The following MTSS1 variants were observed in gnomAD, a reference collection of about 807,000 sequenced individuals.
MTSS1 encodes protein MTSS 1.
MTSS1 carries 18 observed loss-of-function variants against 79.0 expected under a neutral mutation model. The observed-to-expected ratio is 0.23, with a 90% CI of 0.16 to 0.34. The LOEUF (loss-of-function observed/expected upper bound fraction) is 0.34. Ranked by LOEUF, MTSS1 falls within the 10% of genes least tolerant of loss-of-function variation. MTSS1 has a pLI of 1.00. For synonymous variants in MTSS1, 341 were observed against 368.6 expected, an observed-to-expected ratio of 0.93 and a Z score of 0.86; for missense variants, 815 against 986.2, an observed-to-expected ratio of 0.83 and a Z score of 2.33.
At chr8:124,619,224 C>G (rs929125922) in intron 3 of MTSS1, 1 of 152,166 alleles carries the variant, frequency 6.6e-6, no homozygotes, top group Non-Finnish European at 1.5e-5. Context: ...GTTCTTGCTC[C>G]TGCTTACCTC....
chr8:124,722,489 T>C lies in MTSS1; in HGVS notation c.72+5395A>G, dbSNP rs1344782349. On this transcript the variant is annotated intron_variant, in intron 1 of 13. Coordinates refer to ENST00000518547, the MANE Select transcript of MTSS1 (RefSeq NM_014751.6). Reference sequence around the variant, plus strand: ...TTGTTCGGTTGTTTCTGATTTGCCTTGGTGGCTCATACTCAGATGAAACCT... The same window carrying C: ...TTGTTCGGTTGTTTCTGATTTGCCTCGGTGGCTCATACTCAGATGAAACCT... Among the ~76,000 whole-genome samples the C allele has an allele frequency of 2.6e-5, 4 of 152,338 alleles. No individual in the cohort carries two copies. In the East Asian group the frequency reaches 5.8e-4, roughly 22 times the overall value.
At chr8:124,659,387 G>A (rs780467416) in intron 3 of MTSS1, among the ~76,000 whole-genome samples, 25 of 152,160 alleles carry the variant, frequency 1.6e-4, no homozygotes, top group Non-Finnish European at 1.6e-4. Context: ...TGCATCTCGG[G>A]AATCATGTGT....
At chr8:124,663,034 G>A (rs1822367959) in intron 3 of MTSS1, among the ~76,000 whole-genome samples, 1 of 152,012 alleles carries the variant, frequency 6.6e-6, no homozygotes, top group African/African-American at 2.4e-5. Flanking sequence ...CAGTATCTGG[G>A]CCCCACTCCC....
chr8:124,698,855 C>A lies in MTSS1; in HGVS notation c.208+671G>T, dbSNP rs74694784. 6.7e-3 allele frequency among the ~76,000 whole-genome samples: 1,019 copies of A among 152,122 alleles called. 11 individuals carry two copies. Among genetic ancestry groups the A allele is most frequent in the African/African-American group, 0.023 (973 of 41,500 alleles). On this transcript the variant is annotated intron_variant, in intron 3 of 13. Coordinates refer to ENST00000518547, the MANE Select transcript of MTSS1 (RefSeq NM_014751.6). ...GCATTTCTAAAGACGGTCAGGCATACGGGGGTATTCATTTTCTTTTTATAC... is the reference window on the plus strand; with the variant it reads ...GCATTTCTAAAGACGGTCAGGCATAAGGGGGTATTCATTTTCTTTTTATAC...
intron 3 of MTSS1, among the ~76,000 whole-genome samples, chr8:124,645,196 T>C (rs1161897256): frequency 6.6e-6 from 1 of 151,998 alleles, no homozygotes; most frequent in Non-Finnish European, 1.5e-5. Flanking sequence ...GGAGAGACCC[T>C]AGTCTCTACA....
intron 3 of MTSS1, among the ~76,000 whole-genome samples, chr8:124,628,161 T>C (rs950408714): frequency 1.3e-5 from 2 of 152,156 alleles, no homozygotes. Flanking sequence ...AGGGAGACCC[T>C]GTCTCAAAAA....
rs1358381939 is a variant in MTSS1 at position 124,557,555 on chromosome 8, T to TA, written c.1230+125dup. 19 of 1,019,620 alleles carry TA rather than the reference T, an allele frequency of 1.9e-5. No homozygotes were observed. In the African/African-American group the frequency reaches 2.9e-4, roughly 16 times the overall value. The allele number at this position is 1,019,620 out of a possible 1,614,324, so 63.2% of individuals were successfully genotyped here. A position where few individuals can be genotyped will look rare whatever the true frequency, so the allele number is the denominator to read the frequency against. On this transcript the variant is annotated intron_variant, in intron 11 of 13. Transcript: ENST00000518547. ...TGGGAGTTTCCTGAGGGAGAGGCAT[T>TA]ATGGGGAAGAAGGCAGAGTGTGAAA...
intron 1 of MTSS1, among the ~76,000 whole-genome samples, chr8:124,721,408 C>G (rs1832905767): frequency 1.4e-5 from 1 of 69,304 alleles, no homozygotes; most frequent in African/African-American, 5.9e-5. Flanking sequence ...ACATTTAACT[C>G]TAATTTTTTT....
At position 124,591,142 on chromosome 8, in the gene MTSS1, G is replaced by A; in HGVS notation, c.293+9C>T. 2 of 1,613,530 alleles carry A rather than the reference G, an allele frequency of 1.2e-6. No individual in the cohort carries two copies. The highest frequency in any genetic ancestry group is 1.1e-5 in the South Asian group (1 of 91,054). On this transcript the variant is annotated intron_variant, in intron 4 of 13. Transcript: ENST00000518547. ...GTGTTGGCGATCGGGGCCAAAACAT[G>A]CTCCTCACCTCGAAAACTGCCTCAG... is the stretch of plus-strand genomic sequence containing the variant.
rs145261947 is a variant in MTSS1 at position 124,558,741 on chromosome 8, G to C, written c.1036-866C>G. On this transcript the variant is annotated intron_variant, in intron 10 of 13. Coordinates refer to ENST00000518547, the MANE Select transcript of MTSS1 (RefSeq NM_014751.6). The stretch of plus-strand genomic sequence containing the variant: ...CTCTGTGGACACCCAGGCACCCATG[G>C]TGGAGCCCGAGCTGACAGAGGTGGG... The C allele has an allele frequency of 1.1e-5, 18 of 1,578,414 alleles. No individual in the cohort carries two copies. The East Asian group carries it at 3.9e-4, about 34-fold the overall frequency.
intron 3 of MTSS1, among the ~76,000 whole-genome samples, chr8:124,638,227 A>G (rs548400009): frequency 6.6e-6 from 1 of 152,240 alleles, no homozygotes; most frequent in Non-Finnish European, 1.5e-5. Context: ...TCACCTTATC[A>G]CAGAGATCCA....
chr8:124,704,231 A>G, intron 1 of MTSS1, 40 bp from the exon 2 acceptor site: 1 of 1,547,300 alleles, frequency 6.5e-7, no homozygotes, highest in Non-Finnish European at 8.9e-7. Flanking sequence ...ACACTGCGAT[A>G]GACATCTGAT....
At position 124,553,807 on chromosome 8, in the gene MTSS1, A is replaced by G; in HGVS notation, c.1568-115T>C. On this transcript the variant is annotated intron_variant, in intron 13 of 13. Coordinates refer to ENST00000518547, the MANE Select transcript of MTSS1 (RefSeq NM_014751.6). This position sits in a 1 kb window ranked among gnomAD's most constrained non-coding sequence, Gnocchi z 6.0. Reference sequence around the variant, plus strand: ...AGGGTACACACACAGTCTCATCCCAAGCTTCCCCCAGGCTTCTCTACCATC... The same window carrying G: ...AGGGTACACACACAGTCTCATCCCAGGCTTCCCCCAGGCTTCTCTACCATC... 1 of 879,798 alleles carries G rather than the reference A, an allele frequency of 1.1e-6. No homozygotes were observed. Among genetic ancestry groups the G allele is most frequent in the Non-Finnish European group, 1.7e-6 (1 of 591,088 alleles). 54.5% of individuals were successfully genotyped at this position (879,798 alleles called of 1,614,324 possible).
intron 1 of MTSS1, among the ~76,000 whole-genome samples, chr8:124,719,720 G>A (rs1011660067): frequency 6.6e-6 from 1 of 152,232 alleles, no homozygotes; most frequent in Non-Finnish European, 1.5e-5. Flanking sequence ...TGAAGGCATA[G>A]GTTGCTTCTA....
chr8:124,566,938 A>G, intron 8 of MTSS1, 133 bp downstream of exon 8: 1 of 685,740 alleles, frequency 1.5e-6, no homozygotes, highest in South Asian at 1.8e-5. Flanking sequence ...TGGTGATTTC[A>G]TATATTACAT....
In MTSS1 at chr8:124,681,882, T is replaced by C. The variant is rs535703646; in HGVS notation, c.208+17644A>G. Among the ~76,000 whole-genome samples, 6 of 152,356 alleles carry C rather than the reference T, an allele frequency of 3.9e-5. No homozygotes were observed. The South Asian group carries it at 1.2e-3, about 32-fold the overall frequency. The stretch of plus-strand genomic sequence containing the variant: ...GCATAGTGCCTGACACATTTGTATG[T>C]GCTAATAAATACTAGCTTTCCTGAT... On this transcript the variant is annotated intron_variant, in intron 3 of 13. Transcript: ENST00000518547.
chr8:124,554,488 T>G (rs1563728375), intron 13 of MTSS1, among the ~76,000 whole-genome samples: 1 of 152,160 alleles, frequency 6.6e-6, no homozygotes, highest in Non-Finnish European at 1.5e-5. Flanking sequence ...CCAATAAGAC[T>G]CACTGTCTTA....
chr8:124,719,939 A>C (rs1163838325), intron 1 of MTSS1, among the ~76,000 whole-genome samples: 1 of 152,230 alleles, frequency 6.6e-6, no homozygotes, highest in Non-Finnish European at 1.5e-5. Flanking sequence ...CAGTAAACTT[A>C]ACTTGCTCAG....
intron 3 of MTSS1, among the ~76,000 whole-genome samples, chr8:124,658,281 G>C (rs368296965): frequency 6.6e-6 from 1 of 152,158 alleles, no homozygotes; most frequent in African/African-American, 2.4e-5. Flanking sequence ...CTGTTATCAC[G>C]ATAGTGAATA....
Sources: allele counts gnomAD v4.1 joint callset (sites outside exome capture counted in the v4.1 genomes callset), GRCh38; gene constraint gnomAD v4.1.1; non-coding constraint Gnocchi (gnomAD v3.1); transcripts MANE v1.5; gene names NCBI Gene and HGNC (gene_info 2026-07-23, HGNC 2026-07-21).